ELMO2: variants seen among roughly 807,000 people sequenced by gnomAD.
ELMO2 encodes the protein engulfment and cell motility 2.
A neutral mutation model predicts 96.2 loss-of-function variants in ELMO2; 37 were observed. The ratio of observed to expected loss-of-function variants is 0.38; its 90% CI spans 0.30 to 0.51. The LOEUF is 0.51. ELMO2 is among the 20% of genes least tolerant of loss of function. The pLI is 0.88. For missense variants in ELMO2, 561 were observed against 912.6 expected (o/e 0.61, Z 4.96); for synonymous variants, 315 against 329.4 (o/e 0.96, Z 0.47).
intron 11 of ELMO2, among the ~76,000 whole-genome samples, chr20:46,379,289 C>T (rs575806010): frequency 9.2e-5 from 14 of 152,104 alleles, no homozygotes; most frequent in African/African-American, 1.7e-4. Context: ...CCACCACGTC[C>T]GGCCAAAGTT....
intron 7 of ELMO2, among the ~76,000 whole-genome samples, chr20:46,388,748 G>T (rs769271391): frequency 8.5e-5 from 13 of 152,270 alleles, no homozygotes; most frequent in Non-Finnish European, 1.9e-4. Flanking sequence ...GGTCTGTCAC[G>T]ACGTGACTGC....
intron 10 of ELMO2, among the ~76,000 whole-genome samples, chr20:46,382,931 C>T (rs566278292): frequency 1.3e-5 from 2 of 152,320 alleles, no homozygotes; most frequent in East Asian, 3.9e-4. Context: ...TCATATTGGA[C>T]TCCTTGGACT....
chr20:46,370,589 G>C, intron 19 of ELMO2, 64 bp from the exon 20 acceptor site: 2 of 1,477,572 alleles, frequency 1.4e-6, no homozygotes, highest in South Asian at 2.3e-5. Flanking sequence ...GCCTACATCA[G>C]TGCTGGAAGG....
intron 20 of ELMO2, 133 bp downstream of exon 20, chr20:46,370,310 T>C (rs1427233789): frequency 3.6e-6 from 3 of 831,048 alleles, no homozygotes; most frequent in African/African-American, 3.4e-5. Flanking sequence ...TTTTTGTGTA[T>C]GTTCAAAATT....
intron 1 of ELMO2, among the ~76,000 whole-genome samples, chr20:46,399,961 G>A (rs568432605): frequency 3.3e-5 from 5 of 152,186 alleles, no homozygotes; most frequent in Admixed American, 2.6e-4. Flanking sequence ...CCAGGAGTTC[G>A]AGACATTTCT....
At chr20:46,376,558 C>G in intron 11 of ELMO2, 1 of 1,216,246 alleles carries the variant, frequency 8.2e-7, no homozygotes, top group Non-Finnish European at 1.1e-6. Flanking sequence ...CTCTGTCTTT[C>G]TCTTGCATGC....
At chr20:46,373,676 G>GTT in intron 15 of ELMO2, 141 bp from the exon 16 acceptor site, 1 of 1,021,532 alleles carries the variant, frequency 9.8e-7, no homozygotes, top group Non-Finnish European at 1.4e-6. Flanking sequence ...TGGGATGGGC[G>GTT]TTTCTCACGT....
Position 46,371,892 on chromosome 20 carries a change from T to C in ELMO2, c.1494A>G (p.Lys498=). ...TCTCAGAGTAACTCAGGCTACGCAATTTGCTCTTGAACTGATCCAAAGAGT... is the reference window on the plus strand; with the variant it reads ...TCTCAGAGTAACTCAGGCTACGCAACTTGCTCTTGAACTGATCCAAAGAGT... ...KPNSLDQFKS[K]LRSLSYSEIL... is the part of the protein sequence containing the mutation. Residue 498 remains lysine (K), a synonymous_variant, in exon 17 of 22, where the codon AAA becomes AAG. Transcript: ENST00000290246. This position sits in a 1 kb window ranked among gnomAD's most constrained non-coding sequence, Gnocchi z 5.9. 1.2e-6 allele frequency: 2 copies of C among 1,614,204 alleles called. No homozygotes were observed. Among genetic ancestry groups the C allele is most frequent in the Non-Finnish European group, 1.7e-6 (2 of 1,180,034 alleles).
Position 46,370,465 on chromosome 20 carries a change from T to C in ELMO2, c.1862A>G (p.Lys621Arg). ...CACCTTGTTCTGTTTCAGAGCACTT[T>C]TCTCTTTCATGTGGGGACAATCTTT... Reference protein sequence around the residue: ...TGKDCPHMKEKSALKQNKEVL... With the variant: ...TGKDCPHMKERSALKQNKEVL... Residue 621 changes from lysine to arginine, a missense_variant, in exon 20 of 22, where the codon AAA (lysine) becomes AGA (arginine). Transcript: ENST00000290246. 1 of 1,614,210 alleles carries C rather than the reference T, an allele frequency of 6.2e-7. No homozygotes were observed. The highest frequency in any genetic ancestry group is 1.7e-5 in the Admixed American group (1 of 60,032).
intron 6 of ELMO2, among the ~76,000 whole-genome samples, chr20:46,392,587 C>T (rs565847583): frequency 3.9e-5 from 6 of 152,340 alleles, no homozygotes; most frequent in African/African-American, 1.4e-4. Context: ...TTGAAACCTA[C>T]GAGTAGGCCA....
Position 46,366,669 on chromosome 20 carries a change from T to TTAA in ELMO2, c.*688_*690dup. ...TTTTCCCTGCAGCGTTCCTGGAGAC[T>TTAA]TAAGAGGGCAGGACTTGGCCAGGAG... is the stretch of plus-strand genomic sequence containing the variant. On this transcript the variant is annotated 3_prime_UTR_variant, in exon 22 of 22. Transcript: ENST00000290246. 1 of 152,558 alleles carries TTAA rather than the reference T, an allele frequency of 6.6e-6. No individual in the cohort carries two copies. The highest frequency in any genetic ancestry group is 1.9e-4 in the East Asian group (1 of 5,184). The allele number at this position is 152,558 out of a possible 1,614,324, so 9.5% of individuals were successfully genotyped here.
chr20:46,378,739 A>G (rs2059905560), intron 11 of ELMO2, among the ~76,000 whole-genome samples: 1 of 152,228 alleles, frequency 6.6e-6, no homozygotes, highest in Admixed American at 6.5e-5. Context: ...TGTTCTGCCA[A>G]TACGAGCAAA....
At chr20:46,380,931 C>A (rs2059945158) in intron 10 of ELMO2, among the ~76,000 whole-genome samples, 1 of 152,124 alleles carries the variant, frequency 6.6e-6, no homozygotes, top group Non-Finnish European at 1.5e-5. Context: ...ATTTATTTAG[C>A]CCACCCAGGA....
rs1263344233 is a variant in ELMO2, at chr20:46,394,477, T to C, written c.6A>G (p.Pro2=). The C allele has an allele frequency of 1.2e-6, 2 of 1,614,208 alleles. No homozygotes were observed. Among genetic ancestry groups the C allele is most frequent in the Non-Finnish European group, 1.7e-6 (2 of 1,180,038 alleles). The change falls in exon 3 of 22, where the codon CCA becomes CCG. Residue 2 remains proline, a synonymous_variant. Coordinates refer to ENST00000290246, the MANE Select transcript of ELMO2 (RefSeq NM_133171.5). ...CCACTTTGACAATGTCTGACGGTGG[T>C]GGCATCGTTCCCAATGGGCTCTAAT... M[P]PPSDIVKVAI...
chr20:46,393,238 C>T, intron 5 of ELMO2, 95 bp from the exon 6 acceptor site: 2 of 1,280,068 alleles, frequency 1.6e-6, no homozygotes, highest in East Asian at 2.3e-5. Context: ...GTCTTTTTTA[C>T]AGTAGATGTA....
chr20:46,393,618 C>T lies in ELMO2; in HGVS notation c.120-17G>A. ...AACGACCACCTATGCAAGAGAAAAACAGTATATCCCACTTGGCCACTCTCT... is the reference window on the plus strand; with the variant it reads ...AACGACCACCTATGCAAGAGAAAAATAGTATATCCCACTTGGCCACTCTCT... On this transcript the variant is annotated splice_polypyrimidine_tract_variant and intron_variant, in intron 4 of 21. Coordinates refer to ENST00000290246, the MANE Select transcript of ELMO2 (RefSeq NM_133171.5). 6.2e-7 allele frequency: 1 copy of T among 1,612,426 alleles called. No homozygotes were observed. The highest frequency in any genetic ancestry group is 1.3e-5 in the African/African-American group (1 of 74,976).
chr20:46,393,288 C>T, intron 5 of ELMO2, 145 bp from the exon 6 acceptor site: 1 of 961,350 alleles, frequency 1.0e-6, no homozygotes, highest in Non-Finnish European at 1.6e-6. Flanking sequence ...CCTGCTTATT[C>T]CTTGGCAAAG....
chr20:46,373,666 T>C lies in ELMO2; in HGVS notation c.1280-131A>G, dbSNP rs73296048. On this transcript the variant is annotated intron_variant, in intron 15 of 21. Transcript: ENST00000290246. ...TAAGGCGCGCAATTAACAGGGAGCG[T>C]GGGATGGGCGTTTCTCACGTCCTTA... 4,475 of 1,155,372 alleles carry C rather than the reference T, an allele frequency of 3.9e-3. 109 individuals are homozygous for C. In the African/African-American group the frequency reaches 0.061, roughly 16 times the overall value. 71.6% of individuals were successfully genotyped at this position (1,155,372 alleles called of 1,614,324 possible).
chr20:46,374,258 G>A, intron 15 of ELMO2, 74 bp downstream of exon 15: 1 of 1,269,542 alleles, frequency 7.9e-7, no homozygotes, highest in Non-Finnish European at 1.1e-6. Context: ...ACATGTAACT[G>A]TTTATAATTT....
Sources: gnomAD v4.1 joint callset for allele counts (sites outside exome capture counted in the v4.1 genomes callset) on GRCh38, gnomAD v4.1.1 for gene constraint, Gnocchi (gnomAD v3.1) non-coding constraint, MANE v1.5 for transcripts, NCBI Gene and HGNC (gene_info 2026-07-23, HGNC 2026-07-21) for gene names.